The following PLCH1 variants were observed in gnomAD, a reference collection of about 807,000 sequenced individuals.
PLCH1 encodes the protein phospholipase C eta 1, also known as 1-phosphatidylinositol 4,5-bisphosphate phosphodiesterase eta-1.
PLCH1 carries 60 observed loss-of-function variants against 126.7 expected under a neutral mutation model. The ratio of observed to expected loss-of-function variants is 0.47; its 90% confidence interval spans 0.38 to 0.59. The LOEUF is 0.59. PLCH1 is among the 20% of genes least tolerant of loss of function. The pLI is 0.00. For synonymous variants in PLCH1, 719 were observed against 734.9 expected, an observed-to-expected ratio of 0.98 and a Z score of 0.35; for missense variants, 1,723 against 2,040.0, an observed-to-expected ratio of 0.84 and a Z score of 2.99.
intron 6 of PLCH1, among the ~76,000 whole-genome samples, chr3:155,572,073 T>A (rs1729300527): frequency 6.6e-6 from 1 of 152,220 alleles, no homozygotes; most frequent in African/African-American, 2.4e-5. Context: ...AAGTTCCACA[T>A]AATCAAAGGC....
At chr3:155,508,527 C>G (rs1718977680) in intron 12 of PLCH1, among the ~76,000 whole-genome samples, 1 of 133,010 alleles carries the variant, frequency 7.5e-6, no homozygotes, top group African/African-American at 3.1e-5. Context: ...GAAATACGTC[C>G]CATCAATACC....
intron 17 of PLCH1, among the ~76,000 whole-genome samples, chr3:155,493,123 AAAG>A (rs1204514358): frequency 7.9e-5 from 12 of 152,248 alleles, no homozygotes; most frequent in African/African-American, 1.2e-4. Context: ...AACAGTGTAA[AAAG>A]AAGAACAATT....
chr3:155,588,342 A>T (rs1231676818), intron 4 of PLCH1, among the ~76,000 whole-genome samples: 1 of 152,118 alleles, frequency 6.6e-6, no homozygotes, highest in East Asian at 1.9e-4. Context: ...CCGAAGAACC[A>T]AAAGGGTGAA....
intron 2 of PLCH1, among the ~76,000 whole-genome samples, chr3:155,654,212 A>G (rs1254797708): frequency 1.3e-5 from 2 of 151,596 alleles, no homozygotes; most frequent in African/African-American, 4.9e-5. Context: ...GGTGTTTCTC[A>G]TGTCATATTG....
intron 2 of PLCH1, among the ~76,000 whole-genome samples, chr3:155,633,649 G>A (rs901483687): frequency 7.9e-5 from 12 of 152,276 alleles, no homozygotes; most frequent in South Asian, 2.1e-4. Flanking sequence ...GGCCAGGTGC[G>A]CTGGCCCACG....
At position 155,482,411 on chromosome 3, in the gene PLCH1, A is replaced by G. The variant is rs776647844; in HGVS notation, c.3615T>C (p.Val1205=). The G allele has an allele frequency of 1.1e-5, 17 of 1,614,038 alleles. No homozygotes were observed. Among genetic ancestry groups the G allele is most frequent in the Non-Finnish European group, 1.4e-5 (16 of 1,180,032 alleles). Residue 1205 remains valine, a synonymous_variant, in exon 23 of 23, where the codon GTT becomes GTC. Transcript: ENST00000460012. Reference sequence around the variant, plus strand: ...CACTGGTATTATGAAGATGAGAAACAACTGTGAGAGCCTGATTGTTGGTCT... The same window carrying G: ...CACTGGTATTATGAAGATGAGAAACGACTGTGAGAGCCTGATTGTTGGTCT... The part of the protein sequence containing the change: ...FDETNNQALT[V]VSHLHNTSVM...
intron 2 of PLCH1, among the ~76,000 whole-genome samples, chr3:155,649,796 G>A (rs763666804): frequency 6.6e-6 from 1 of 152,138 alleles, no homozygotes; most frequent in African/African-American, 2.4e-5. Context: ...GGTTAACACT[G>A]TGAAACTCTG....
At chr3:155,710,949 A>G (rs1747081913) in intron 1 of PLCH1, among the ~76,000 whole-genome samples, 1 of 151,070 alleles carries the variant, frequency 6.6e-6, no homozygotes, top group South Asian at 2.1e-4. Flanking sequence ...CCCTAAAGAC[A>G]ATGACCATGG....
At chr3:155,458,452 A>G (rs1358145457) in intron 21 of PLCH1, among the ~76,000 whole-genome samples, 2 of 70,152 alleles carry the variant, frequency 2.9e-5, no homozygotes, top group Non-Finnish European at 5.2e-5. Context: ...GAAGGAAGGA[A>G]GGAAAGAAAG....
chr3:155,482,212 T>G lies in PLCH1; in HGVS notation c.3814A>C (p.Thr1272Pro), dbSNP rs747461366. ...ATNTVYETTC[T>P]PISKTKPDDD... ...TCTGGTTTGGTTTTAGAGATGGGAG[T>G]GCAGGTAGTTTCATAAACTGTGTTC... is the stretch of plus-strand genomic sequence containing the variant. The change falls in exon 23 of 23, where the codon ACT becomes CCT. Residue 1272 changes from threonine to proline, a missense_variant. Coordinates refer to ENST00000460012, the MANE Select transcript of PLCH1 (RefSeq NM_014996.4). 3 of 1,614,032 alleles carry G rather than the reference T, an allele frequency of 1.9e-6. No homozygotes were observed. Among genetic ancestry groups the G allele is most frequent in the Admixed American group, 3.3e-5 (2 of 60,006 alleles).
chr3:155,624,931 G>A (rs893204834), intron 2 of PLCH1, among the ~76,000 whole-genome samples: 26 of 152,076 alleles, frequency 1.7e-4, no homozygotes, highest in African/African-American at 6.3e-4. Context: ...AGCCTGCATA[G>A]CTAAGACAAT....
At chr3:155,651,521 C>T (rs1288499707) in intron 2 of PLCH1, among the ~76,000 whole-genome samples, 1 of 152,052 alleles carries the variant, frequency 6.6e-6, no homozygotes, top group Non-Finnish European at 1.5e-5. Flanking sequence ...TATTTTATTT[C>T]ACATACTTCT....
intron 1 of PLCH1, among the ~76,000 whole-genome samples, chr3:155,719,378 A>G (rs533846115): frequency 0.016 from 2,380 of 151,374 alleles, 23 homozygotes; most frequent in South Asian, 0.037. Flanking sequence ...GGGTTGGGGG[A>G]GGGGGAAGGG....
intron 18 of PLCH1, among the ~76,000 whole-genome samples, chr3:155,492,401 C>T (rs937887000): frequency 7.9e-5 from 12 of 152,178 alleles, no homozygotes; most frequent in South Asian, 2.1e-4. Flanking sequence ...ATATTATTAA[C>T]GGAACATTGC....
intron 2 of PLCH1, among the ~76,000 whole-genome samples, chr3:155,659,299 CTTCTTTTTTTTTTTTTTT>C (rs1236580912): frequency 6.8e-4 from 38 of 55,492 alleles, no homozygotes; most frequent in African/African-American, 1.8e-3. Context: ...TGTCTATTCA[CTTCTTTTTTTTTTTTTTT>C]TTTTTTTTTT....
At chr3:155,475,000 T>C (rs1352710064), downstream of PLCH1, among the ~76,000 whole-genome samples, 4 of 138,742 alleles carry the variant, frequency 2.9e-5, no homozygotes, top group African/African-American at 5.4e-5. Flanking sequence ...GTGGGTGCAG[T>C]GCACCAGCAT....
intron 21 of PLCH1, among the ~76,000 whole-genome samples, chr3:155,467,014 G>T (rs771236274): frequency 1.3e-5 from 2 of 151,960 alleles, no homozygotes; most frequent in Admixed American, 6.6e-5. Context: ...GCCTCAAAAG[G>T]GCTAATCTAA....
At chr3:155,567,486 G>C (rs758139523) in intron 7 of PLCH1, among the ~76,000 whole-genome samples, 3 of 152,164 alleles carry the variant, frequency 2.0e-5, no homozygotes, top group Non-Finnish European at 4.4e-5. Flanking sequence ...GAAGAAATGA[G>C]GGGGCCAACG....
At chr3:155,471,985 A>C (rs943495586) in intron 21 of PLCH1, among the ~76,000 whole-genome samples, 68 of 152,334 alleles carry the variant, frequency 4.5e-4, no homozygotes, top group African/African-American at 1.5e-3. Context: ...GGAAAGATCC[A>C]AAATTGACAC....
Sources: gnomAD v4.1 joint callset for allele counts (sites outside exome capture counted in the v4.1 genomes callset) on GRCh38, gnomAD v4.1.1 for gene constraint, MANE v1.5 for transcripts, NCBI Gene and HGNC (gene_info 2026-07-23, HGNC 2026-07-21) for gene names.